COG5: variants seen among roughly 807,000 people sequenced by gnomAD.
COG5 encodes the protein component of oligomeric golgi complex 5.
Under a neutral mutation model 110.4 loss-of-function variants are expected in COG5, and 86 were observed. The ratio of observed to expected loss-of-function variants is 0.78; its 90% CI spans 0.65 to 0.93. The LOEUF is 0.93. Among genes scored for constraint, COG5 ranks in the 40% least tolerant of loss-of-function variants. The pLI is 0.00. For synonymous variants in COG5, 360 were observed against 334.6 expected (o/e 1.08, Z -0.83); for missense variants, 1,077 against 987.0 (o/e 1.09, Z -1.22).
chr7:107,327,755 T>C (rs1809893655), intron 10 of COG5, among the ~76,000 whole-genome samples: 1 of 152,182 alleles, frequency 6.6e-6, no homozygotes, highest in Non-Finnish European at 1.5e-5. Flanking sequence ...TGAGATGTCA[T>C]CTCACATCCA....
intron 6 of COG5, among the ~76,000 whole-genome samples, chr7:107,514,715 T>C: frequency 6.6e-6 from 1 of 152,210 alleles, no homozygotes; most frequent in East Asian, 1.9e-4. Context: ...TTTTGTTCAG[T>C]GTCTTGTGTT....
chr7:107,441,964 T>C (rs561925927), intron 6 of COG5, among the ~76,000 whole-genome samples: 33 of 152,226 alleles, frequency 2.2e-4, no homozygotes, highest in Non-Finnish European at 4.1e-4. Flanking sequence ...CTATGATCCA[T>C]GAACTGAGCA....
Position 107,236,665 on chromosome 7 carries a change from G to A in COG5, c.1876C>T (p.Pro626Ser). The change falls in exon 18 of 22, where the codon CCT (proline) becomes TCT (serine). Residue 626 changes from proline to serine, a missense_variant. Physicochemically the swap from Pro to Ser is moderately conservative, Grantham distance 74. Coordinates refer to ENST00000297135, the MANE Select transcript of COG5 (RefSeq NM_006348.5). Reference sequence around the variant, plus strand: ...ATGTACAGAGAACAAGGAACATCAGGTTTTCCTGAGCTGGATAATGACCTG... The same window carrying A: ...ATGTACAGAGAACAAGGAACATCAGATTTTCCTGAGCTGGATAATGACCTG... ...FSGSLSSSGK[P>S]DVPCSLYMKE... is the part of the protein sequence containing the mutation. The A allele has an allele frequency of 6.2e-7, 1 of 1,613,806 alleles. No individual in the cohort carries two copies. The highest frequency in any genetic ancestry group is 8.5e-7 in the Non-Finnish European group (1 of 1,179,808).
In COG5 at chr7:107,210,755, G is replaced by A. The variant is rs148809465; in HGVS notation, c.2296-150C>T. On this transcript the variant is annotated intron_variant, in intron 20 of 21. Transcript: ENST00000297135. ...GAAGTGTGAAGGGGGCATAGGCCTT[G>A]GTGCACCTTCCTGACTACCAAGGAG... 5,239 of 916,442 alleles carry A rather than the reference G, an allele frequency of 5.7e-3. 30 individuals carry two copies. The highest frequency in any genetic ancestry group is 6.7e-3 in the Non-Finnish European group (3,900 of 584,464). 56.8% of individuals were successfully genotyped at this position (916,442 alleles called of 1,614,324 possible). A position where few individuals can be genotyped will look rare whatever the true frequency, so the allele number is the denominator to read the frequency against.
chr7:107,425,918 T>A (rs1345599472), intron 6 of COG5, among the ~76,000 whole-genome samples: 1 of 152,176 alleles, frequency 6.6e-6, no homozygotes, highest in Non-Finnish European at 1.5e-5. Context: ...TGTCCTTATA[T>A]TATAAAAAGA....
chr7:107,343,025 T>C (rs1811301230), intron 10 of COG5, among the ~76,000 whole-genome samples: 1 of 152,158 alleles, frequency 6.6e-6, no homozygotes, highest in Non-Finnish European at 1.5e-5. Flanking sequence ...CACCATGGAA[T>C]ACTACACAGC....
chr7:107,203,930 C>T (rs1397626208), intron 21 of COG5, among the ~76,000 whole-genome samples: 1 of 152,054 alleles, frequency 6.6e-6, no homozygotes, highest in African/African-American at 2.4e-5. Context: ...TTCCCTTTTC[C>T]CTGCTTCCCT....
chr7:107,413,519 AAC>A (rs1349687026), intron 6 of COG5, among the ~76,000 whole-genome samples: 2 of 149,670 alleles, frequency 1.3e-5, no homozygotes, highest in Non-Finnish European at 2.9e-5. Context: ...GACATGTAGC[AAC>A]AGAGGGAAAA....
rs145656116 is a variant in COG5 at position 107,378,228 on chromosome 7, T to A, written c.670-5468A>T. On this transcript the variant is annotated intron_variant, in intron 7 of 21. Transcript: ENST00000297135. ...CAAACAGAAAGGAATAGCGTCAACA[T>A]CAACAAAAAGGAAGTCCAAAGAGAA... Among the ~76,000 whole-genome samples, 6 of 151,754 alleles carry A rather than the reference T, an allele frequency of 4.0e-5. No individual in the cohort carries two copies. The East Asian group carries it at 1.2e-3, about 30-fold the overall frequency.
chr7:107,379,654 T>C (rs1814938581), intron 7 of COG5, among the ~76,000 whole-genome samples: 1 of 150,508 alleles, frequency 6.6e-6, no homozygotes, highest in South Asian at 2.1e-4. Flanking sequence ...AAACAGACTT[T>C]AAACCAACAA....
At chr7:107,453,609 T>C (rs1795484295) in intron 6 of COG5, among the ~76,000 whole-genome samples, 2 of 152,168 alleles carry the variant, frequency 1.3e-5, no homozygotes, top group Admixed American at 1.3e-4. Context: ...ATCAGTCAAA[T>C]AACACTTTTA....
chr7:107,311,795 T>G (rs1323974531), intron 11 of COG5, among the ~76,000 whole-genome samples: 1 of 152,130 alleles, frequency 6.6e-6, no homozygotes, highest in Non-Finnish European at 1.5e-5. Context: ...AATTAAAAAT[T>G]TTTTTTCTAT....
intron 10 of COG5, among the ~76,000 whole-genome samples, chr7:107,328,087 T>C (rs1441167976): frequency 1.3e-5 from 2 of 152,228 alleles, no homozygotes; most frequent in Non-Finnish European, 2.9e-5. Context: ...ATTCATTCAG[T>C]CATGCATTTC....
At chr7:107,317,014 T>C (rs542861677) in intron 11 of COG5, among the ~76,000 whole-genome samples, 26 of 152,270 alleles carry the variant, frequency 1.7e-4, no homozygotes, top group Middle Eastern at 3.4e-3. Flanking sequence ...AAGTTTCTCA[T>C]TGAAATTTTA....
chr7:107,282,733 G>T (rs114494090), intron 13 of COG5, among the ~76,000 whole-genome samples: 2,068 of 152,088 alleles, frequency 0.014, 41 homozygotes, highest in African/African-American at 0.048. Context: ...GGATGGTCTG[G>T]AACTCCTGAC....
At chr7:107,217,083 T>C (rs1221384409) in intron 19 of COG5, among the ~76,000 whole-genome samples, 1 of 152,168 alleles carries the variant, frequency 6.6e-6, no homozygotes, top group Non-Finnish European at 1.5e-5. Flanking sequence ...GAGCGATTAC[T>C]ATGACAAATC....
At chr7:107,273,653 G>C (rs917159960) in intron 14 of COG5, among the ~76,000 whole-genome samples, 2 of 152,132 alleles carry the variant, frequency 1.3e-5, no homozygotes, top group African/African-American at 4.8e-5. Context: ...TGGTACTGAA[G>C]TGATAACATG....
At chr7:107,241,085 T>C (rs551791362) in intron 17 of COG5, among the ~76,000 whole-genome samples, 14 of 152,338 alleles carry the variant, frequency 9.2e-5, no homozygotes, top group Middle Eastern at 3.4e-3. Flanking sequence ...TAAAAACACA[T>C]CTATTTGGGA....
chr7:107,351,697 G>C (rs898821965), intron 10 of COG5, among the ~76,000 whole-genome samples: 32 of 151,976 alleles, frequency 2.1e-4, no homozygotes, highest in Admixed American at 7.2e-4. Context: ...GCAGCCAAAA[G>C]ACACATGAAA....
Sources: gnomAD v4.1 joint callset for allele counts (sites outside exome capture counted in the v4.1 genomes callset) on GRCh38, gnomAD v4.1.1 for gene constraint, MANE v1.5 for transcripts, NCBI Gene and HGNC (gene_info 2026-07-23, HGNC 2026-07-21) for gene names.